GABRG3: variants seen among roughly 807,000 people sequenced by gnomAD.
The protein encoded by GABRG3 is gamma-aminobutyric acid type A receptor subunit gamma3.
A neutral mutation model predicts 48.8 loss-of-function variants in GABRG3; 25 were observed. The observed-to-expected ratio is 0.51, with a 90% confidence interval of 0.37 to 0.72. The LOEUF (loss-of-function observed/expected upper bound fraction) is 0.72, where lower values mean the gene tolerates loss of function less well. GABRG3 is among the 30% of genes least tolerant of loss of function. GABRG3 has a pLI of 0.00. For synonymous variants in GABRG3, 227 were observed against 217.6 expected, an observed-to-expected ratio of 1.04 and a Z score of -0.38; for missense variants, 394 against 577.9, an observed-to-expected ratio of 0.68 and a Z score of 3.26.
chr15:27,484,910 T>C (rs1465872254), intron 6 of GABRG3, among the ~76,000 whole-genome samples: 5 of 152,246 alleles, frequency 3.3e-5, no homozygotes, highest in Non-Finnish European at 2.9e-5. Context: ...AATAAATGAT[T>C]GAATAAATAC....
intron 3 of GABRG3, among the ~76,000 whole-genome samples, chr15:27,204,908 G>A (rs6606886): frequency 0.65 from 98,679 of 151,978 alleles, 32,633 homozygotes; most frequent in East Asian, 0.88. Flanking sequence ...TGAAACTTTG[G>A]TGAAGTTGTT....
intron 3 of GABRG3, among the ~76,000 whole-genome samples, chr15:27,065,058 C>T (rs1487721552): frequency 6.6e-6 from 1 of 152,164 alleles, no homozygotes; most frequent in African/African-American, 2.4e-5. Flanking sequence ...GTGGTGGGCT[C>T]CTGCACCCTC....
intron 3 of GABRG3, among the ~76,000 whole-genome samples, chr15:27,230,499 T>A (rs894785633): frequency 6.8e-6 from 1 of 148,036 alleles, no homozygotes; most frequent in East Asian, 2.1e-4. Flanking sequence ...CCTGTTACTG[T>A]TATTTTTTAA....
intron 3 of GABRG3, among the ~76,000 whole-genome samples, chr15:27,048,541 T>C (rs907072835): frequency 3.9e-5 from 6 of 152,122 alleles, no homozygotes; most frequent in African/African-American, 1.4e-4. Context: ...CCGTCCCCCA[T>C]GGTCTTATGA....
intron 3 of GABRG3, among the ~76,000 whole-genome samples, chr15:27,183,414 C>A (rs1887996539): frequency 6.6e-6 from 1 of 152,140 alleles, no homozygotes; most frequent in Non-Finnish European, 1.5e-5. Context: ...GGTTGCACAG[C>A]TGCGTCGGGA....
chr15:27,414,365 A>C (rs1212247496), intron 5 of GABRG3, among the ~76,000 whole-genome samples: 1 of 151,840 alleles, frequency 6.6e-6, no homozygotes, highest in Non-Finnish European at 1.5e-5. Flanking sequence ...TCTTTATTCT[A>C]GTGAGCCGTG....
chr15:27,521,688 C>T (rs1891163795), intron 7 of GABRG3, among the ~76,000 whole-genome samples: 1 of 151,894 alleles, frequency 6.6e-6, no homozygotes, highest in South Asian at 2.1e-4. Context: ...AAAAGAAATT[C>T]TAGAGTGAAA....
chr15:27,066,812 A>C (rs1896745462), intron 3 of GABRG3, among the ~76,000 whole-genome samples: 1 of 152,206 alleles, frequency 6.6e-6, no homozygotes. Flanking sequence ...TATCCCGTTA[A>C]ATCCTTCAAG....
intron 2 of GABRG3, among the ~76,000 whole-genome samples, chr15:27,007,825 A>C (rs910184711): frequency 1.3e-5 from 2 of 152,090 alleles, no homozygotes; most frequent in African/African-American, 4.8e-5. Flanking sequence ...TATTGGATGC[A>C]TAGTTTGCAA....
At chr15:27,261,862 GT>G (rs1411027556) in intron 3 of GABRG3, among the ~76,000 whole-genome samples, 3 of 152,102 alleles carry the variant, frequency 2.0e-5, no homozygotes, top group Non-Finnish European at 2.9e-5. Flanking sequence ...ATATCTGAGA[GT>G]TTAGGCCAAT....
chr15:27,382,157 T>C (rs1895795393), intron 5 of GABRG3, among the ~76,000 whole-genome samples: 1 of 152,138 alleles, frequency 6.6e-6, no homozygotes, highest in African/African-American at 2.4e-5. Context: ...ATTTATTGAG[T>C]CTCTAATGTG....
chr15:27,411,234 C>T (rs1430412192), intron 5 of GABRG3, among the ~76,000 whole-genome samples: 2 of 152,106 alleles, frequency 1.3e-5, no homozygotes, highest in Admixed American at 1.3e-4. Flanking sequence ...GTGGATATGG[C>T]TTTCTTCACT....
chr15:27,055,575 G>A (rs1465624797), intron 3 of GABRG3, among the ~76,000 whole-genome samples: 1 of 152,166 alleles, frequency 6.6e-6, no homozygotes, highest in African/African-American at 2.4e-5. Flanking sequence ...AACACACGGT[G>A]TTTTCAGCGT....
At chr15:27,306,537 CATAT>C (rs571890265) in intron 3 of GABRG3, among the ~76,000 whole-genome samples, 1 of 127,154 alleles carries the variant, frequency 7.9e-6, no homozygotes. Context: ...TAAACATAAA[CATAT>C]AATATAAACA....
chr15:27,420,250 A>G (rs527252577), intron 5 of GABRG3, among the ~76,000 whole-genome samples: 9 of 152,368 alleles, frequency 5.9e-5, no homozygotes, highest in Admixed American at 1.3e-4. Context: ...TTAAAATAAT[A>G]TAAATCTCAC....
At chr15:27,118,506 A>G (rs1294650062) in intron 3 of GABRG3, among the ~76,000 whole-genome samples, 1 of 152,218 alleles carries the variant, frequency 6.6e-6, no homozygotes, top group East Asian at 1.9e-4. Flanking sequence ...TCATTTGTGC[A>G]TGTACTTAAT....
intron 6 of GABRG3, among the ~76,000 whole-genome samples, chr15:27,505,318 C>T (rs1890736353): frequency 6.6e-6 from 1 of 152,122 alleles, no homozygotes; most frequent in Non-Finnish European, 1.5e-5. Flanking sequence ...GGTTAAAGTG[C>T]TGTCTGCCAG....
At position 27,003,736 on chromosome 15, in the gene GABRG3, G is replaced by C. The variant is rs566144764; in HGVS notation, c.203-23018G>C. Among the ~76,000 whole-genome samples the C allele has an allele frequency of 2.0e-4, 31 of 152,172 alleles. No individual in the cohort carries two copies. In the East Asian group the frequency reaches 5.4e-3, roughly 27 times the overall value. ...ATGGCCCGTTCTCAATGAGCTGTTG[G>C]GTACACCTCCCAGACGGGGTGGTGG... is the stretch of plus-strand genomic sequence containing the variant. On this transcript the variant is annotated intron_variant, in intron 2 of 9. Coordinates refer to ENST00000615808, the MANE Select transcript of GABRG3 (RefSeq NM_033223.5).
chr15:27,097,173 G>A (rs1019387746), intron 3 of GABRG3, among the ~76,000 whole-genome samples: 2 of 152,048 alleles, frequency 1.3e-5, no homozygotes, highest in Non-Finnish European at 2.9e-5. Flanking sequence ...TCTAGTGTCA[G>A]ATCCTTCTAC....
Sources: allele counts gnomAD v4.1 joint callset (sites outside exome capture counted in the v4.1 genomes callset), GRCh38; gene constraint gnomAD v4.1.1; transcripts MANE v1.5; gene names NCBI Gene and HGNC (gene_info 2026-07-23, HGNC 2026-07-21).